Variants in CENPP observed in about 807,000 individuals in gnomAD.
The protein encoded by CENPP is centromere protein P.
CENPP carries 24 observed loss-of-function variants against 35.6 expected under a neutral mutation model. The observed-to-expected ratio is 0.67, with a 90% confidence interval of 0.49 to 0.95. The LOEUF is 0.95. Ranked by LOEUF, CENPP falls within the 40% of genes least tolerant of loss-of-function variation. The pLI is 0.00. For missense variants in CENPP, 332 were observed against 345.3 expected (o/e 0.96, Z 0.31); for synonymous variants, 120 against 125.5 (o/e 0.96, Z 0.29).
chr9:92,416,320 G>A (rs549523780), intron 5 of CENPP, among the ~76,000 whole-genome samples: 116 of 151,610 alleles, frequency 7.7e-4, no homozygotes, highest in Non-Finnish European at 1.4e-3. Context: ...GGCTGATCTC[G>A]AACTCCTGGC....
intron 5 of CENPP, among the ~76,000 whole-genome samples, chr9:92,575,593 C>T (rs919769212): frequency 1.3e-5 from 2 of 152,134 alleles, no homozygotes; most frequent in Admixed American, 6.5e-5. Flanking sequence ...GCAGGCAGAT[C>T]ACGAGGTCAG....
chr9:92,325,920 C>G, upstream of CENPP: 3 of 1,267,280 alleles, frequency 2.4e-6, no homozygotes, highest in East Asian at 5.1e-5. Flanking sequence ...GGAGCGCGCG[C>G]GAGGCTTGAA....
intron 5 of CENPP, among the ~76,000 whole-genome samples, chr9:92,575,810 T>G (rs576594258): frequency 1.5e-4 from 22 of 149,186 alleles, no homozygotes; most frequent in African/African-American, 5.5e-4. Context: ...AGACTCCATT[T>G]CAAAAAAAAA....
chr9:92,465,792 T>A (rs1261606466), intron 5 of CENPP, among the ~76,000 whole-genome samples: 1 of 152,016 alleles, frequency 6.6e-6, no homozygotes, highest in Non-Finnish European at 1.5e-5. Flanking sequence ...TTTATTAGGG[T>A]CTGGTCAGAA....
At chr9:92,336,249 T>G (rs1359636586) in intron 2 of CENPP, among the ~76,000 whole-genome samples, 1 of 152,226 alleles carries the variant, frequency 6.6e-6, no homozygotes, top group Non-Finnish European at 1.5e-5. Context: ...TTCTTACCAG[T>G]ACATCTAATT....
At chr9:92,442,411 A>G (rs1256442539) in intron 5 of CENPP, among the ~76,000 whole-genome samples, 7 of 133,606 alleles carry the variant, frequency 5.2e-5, no homozygotes, top group South Asian at 4.5e-4. Context: ...AAAAAAAAAA[A>G]AAAAAGAAAA....
At chr9:92,351,503 T>A (rs1480621457) in intron 4 of CENPP, among the ~76,000 whole-genome samples, 1 of 151,772 alleles carries the variant, frequency 6.6e-6, no homozygotes, top group East Asian at 1.9e-4. Flanking sequence ...ACCAGAAACT[T>A]TGTACCCATA....
At chr9:92,500,727 C>T (rs200394678) in intron 5 of CENPP, 36 of 1,597,818 alleles carry the variant, frequency 2.3e-5, no homozygotes, top group South Asian at 3.3e-5. Context: ...CAAAATTTAC[C>T]GTATCTTGTT....
intron 4 of CENPP, among the ~76,000 whole-genome samples, chr9:92,355,412 C>T (rs1443822765): frequency 6.6e-6 from 1 of 151,950 alleles, no homozygotes; most frequent in Non-Finnish European, 1.5e-5. Context: ...TACTTTAATA[C>T]CACACTCTAC....
At chr9:92,553,620 G>A (rs1204844510) in intron 5 of CENPP, among the ~76,000 whole-genome samples, 2 of 151,846 alleles carry the variant, frequency 1.3e-5, no homozygotes, top group East Asian at 1.9e-4. Flanking sequence ...GAGGTCTTTC[G>A]ACTCCTTGGT....
At chr9:92,546,226 A>AGACCAATCAGCTCTCTGTAAAATG (rs1849441708) in intron 5 of CENPP, among the ~76,000 whole-genome samples, 2 of 152,188 alleles carry the variant, frequency 1.3e-5, no homozygotes, top group Non-Finnish European at 2.9e-5. Context: ...TCTGTAAAAC[A>AGACCAATCAGCTCTCTGTAAAATG]GACCAATCAG....
chr9:92,592,091 ATATACATGTATAAATGTATACACT>A (rs1164068894), intron 5 of CENPP, among the ~76,000 whole-genome samples: 4 of 152,022 alleles, frequency 2.6e-5, no homozygotes, highest in East Asian at 1.9e-4. Context: ...ATATAGACAC[ATATACATGTATAAATGTATACACT>A]TATACATGTA....
intron 5 of CENPP, among the ~76,000 whole-genome samples, chr9:92,516,072 T>TCCCCCCCCGCC (rs1847691778): frequency 7.2e-6 from 1 of 139,694 alleles, no homozygotes; most frequent in African/African-American, 2.6e-5. Flanking sequence ...TACTTTTTTT[T>TCCCCCCCCGCC]CCCCCCCCCG....
At chr9:92,509,781 A>T in intron 5 of CENPP, 1 of 1,117,128 alleles carries the variant, frequency 9.0e-7, no homozygotes, top group Non-Finnish European at 1.2e-6. Flanking sequence ...TCAAATGGTT[A>T]AGTGACCTAA....
intron 5 of CENPP, among the ~76,000 whole-genome samples, chr9:92,478,820 G>A (rs776060588): frequency 6.6e-5 from 10 of 151,730 alleles, no homozygotes; most frequent in Non-Finnish European, 1.3e-4. Context: ...AGTCTGGACC[G>A]GAAAAACCTA....
intron 5 of CENPP, among the ~76,000 whole-genome samples, chr9:92,578,840 A>G (rs562144026): frequency 0.038 from 5,772 of 152,106 alleles, 148 homozygotes; most frequent in Middle Eastern, 0.075. Context: ...TTTTGTTGCC[A>G]TTGCTTTTGG....
chr9:92,502,118 ATCCT>A (rs754958250), intron 5 of CENPP, among the ~76,000 whole-genome samples: 272 of 152,276 alleles, frequency 1.8e-3, no homozygotes, highest in Admixed American at 5.0e-3. Context: ...CAGGGGAATA[ATCCT>A]TCATTCAAAC....
At chr9:92,603,501 C>T (rs1850984960) in intron 5 of CENPP, among the ~76,000 whole-genome samples, 1 of 152,138 alleles carries the variant, frequency 6.6e-6, no homozygotes, top group African/African-American at 2.4e-5. Context: ...ACCAAGACAC[C>T]CACAGTGCCA....
intron 5 of CENPP, among the ~76,000 whole-genome samples, chr9:92,608,181 G>A (rs866873132): frequency 2.6e-5 from 4 of 152,116 alleles, no homozygotes; most frequent in African/African-American, 9.7e-5. Context: ...AAGTCTCAGG[G>A]GTGTGCAGGT....
Sources: allele counts gnomAD v4.1 joint callset (sites outside exome capture counted in the v4.1 genomes callset), GRCh38; gene constraint gnomAD v4.1.1; transcripts MANE v1.5; gene names NCBI Gene and HGNC (gene_info 2026-07-23, HGNC 2026-07-21).